Variants in SGCD observed in about 807,000 individuals in gnomAD.
SGCD encodes sarcoglycan delta, also known as delta-sarcoglycan.
A neutral mutation model predicts 36.6 loss-of-function variants in SGCD; 18 were observed. The observed-to-expected ratio is 0.49, with a 90% CI of 0.34 to 0.73. SGCD has a LOEUF of 0.73. Among genes scored for constraint, SGCD ranks in the 30% least tolerant of loss-of-function variants. The pLI is 0.01. For missense variants in SGCD, 387 were observed against 346.7 expected (o/e 1.12, Z -0.92); for synonymous variants, 133 against 130.6 (o/e 1.02, Z -0.12).
At chr5:155,735,496 G>A in the SGCD span, among the ~76,000 whole-genome samples, 37 of 152,304 alleles carry the variant, frequency 2.4e-4, no homozygotes, top group East Asian at 6.2e-3. Context: ...AGGCTCAGAG[G>A]GGGAAAGGGA....
the SGCD span, among the ~76,000 whole-genome samples, chr5:155,784,628 A>T: frequency 3.0e-5 from 4 of 132,190 alleles, no homozygotes; most frequent in African/African-American, 8.4e-5. Context: ...GTACAATTGG[A>T]TGTAAGAGCT....
chr5:156,519,081 T>A (rs1303174908), intron 4 of SGCD, among the ~76,000 whole-genome samples: 2 of 148,940 alleles, frequency 1.3e-5, no homozygotes, highest in South Asian at 2.1e-4. Flanking sequence ...GAAAAAAAAA[T>A]TAATAAAATA....
At chr5:155,767,494 G>A in the SGCD span, among the ~76,000 whole-genome samples, 7 of 152,178 alleles carry the variant, frequency 4.6e-5, no homozygotes, top group Non-Finnish European at 7.4e-5. Flanking sequence ...TAAGGTCCAG[G>A]GAGAGTTCTT....
At chr5:156,461,341 C>A (rs1331550983) in intron 3 of SGCD, among the ~76,000 whole-genome samples, 2 of 151,984 alleles carry the variant, frequency 1.3e-5, no homozygotes, top group Non-Finnish European at 2.9e-5. Flanking sequence ...TGTCAAAAAA[C>A]CCATCATATA....
intron 3 of SGCD, among the ~76,000 whole-genome samples, chr5:156,399,898 A>G (rs966533101): frequency 6.6e-6 from 1 of 152,154 alleles, no homozygotes; most frequent in African/African-American, 2.4e-5. Context: ...GTCACTATAT[A>G]TTGACAATCA....
chr5:156,442,628 G>C (rs758037343), intron 3 of SGCD, among the ~76,000 whole-genome samples: 4 of 152,208 alleles, frequency 2.6e-5, no homozygotes, highest in Admixed American at 2.0e-4. Flanking sequence ...AGTCATTTTT[G>C]TAACTATCAT....
At chr5:156,229,301 A>ATATATATATATATATATATATAT (rs1764953527) in intron 3 of SGCD, among the ~76,000 whole-genome samples, 1 of 5,124 alleles carries the variant, frequency 2.0e-4, no homozygotes, top group African/African-American at 4.2e-4. Flanking sequence ...TATATATATA[A>ATATATATATATATATATATATAT]AATTAGTTCT....
At chr5:155,823,108 A>ATCTG in the SGCD span, among the ~76,000 whole-genome samples, 4 of 145,334 alleles carry the variant, frequency 2.8e-5, no homozygotes, top group Non-Finnish European at 6.2e-5. Flanking sequence ...CTATCTATCT[A>ATCTG]TCTATCTGGC....
At chr5:155,840,988 G>A in the SGCD span, among the ~76,000 whole-genome samples, 23 of 124,306 alleles carry the variant, frequency 1.9e-4, no homozygotes, top group Admixed American at 4.3e-4. Flanking sequence ...TCCAGTCTGC[G>A]TGACAGAGCG....
At chr5:156,211,914 CAAAGTT>C (rs1764452214) in intron 3 of SGCD, among the ~76,000 whole-genome samples, 1 of 151,056 alleles carries the variant, frequency 6.6e-6, no homozygotes, top group Admixed American at 6.6e-5. Flanking sequence ...GGTATGTGGT[CAAAGTT>C]AATTTGTTAT....
chr5:156,406,388 A>T (rs923853311), intron 3 of SGCD, among the ~76,000 whole-genome samples: 1 of 151,954 alleles, frequency 6.6e-6, no homozygotes, highest in East Asian at 1.9e-4. Flanking sequence ...GCACTCTGTG[A>T]TAAGTTTTAC....
chr5:156,159,725 A>G (rs979356433), intron 3 of SGCD, among the ~76,000 whole-genome samples: 3 of 151,698 alleles, frequency 2.0e-5, no homozygotes, highest in Non-Finnish European at 2.9e-5. Context: ...AGAGGTGATC[A>G]CTGTGCATTT....
chr5:156,309,183 A>T (rs1433990864), intron 3 of SGCD, among the ~76,000 whole-genome samples: 1 of 151,976 alleles, frequency 6.6e-6, no homozygotes, highest in African/African-American at 2.4e-5. Flanking sequence ...AATGTTTTTC[A>T]TCAAATTTGG....
intron 1 of SGCD, among the ~76,000 whole-genome samples, chr5:155,939,496 T>C (rs1176649962): frequency 6.6e-6 from 1 of 151,316 alleles, no homozygotes; most frequent in Non-Finnish European, 1.5e-5. Flanking sequence ...ATACAAAAAT[T>C]AGCCAGGTGT....
intron 5 of SGCD, among the ~76,000 whole-genome samples, chr5:156,592,228 T>C (rs1460713160): frequency 1.3e-5 from 2 of 152,074 alleles, no homozygotes; most frequent in Non-Finnish European, 2.9e-5. Context: ...ATACAACTGC[T>C]TTTTTATATG....
intron 3 of SGCD, chr5:156,393,620 G>A (rs1011674270): frequency 1.4e-5 from 6 of 415,672 alleles, no homozygotes; most frequent in African/African-American, 1.2e-4. Context: ...TTAATAGGTT[G>A]AAATTGGCCA....
chr5:156,073,950 A>G (rs1760681193), intron 1 of SGCD, among the ~76,000 whole-genome samples: 1 of 152,216 alleles, frequency 6.6e-6, no homozygotes, highest in African/African-American at 2.4e-5. Flanking sequence ...GAGCCATTTC[A>G]TGGAAGAAGG....
chr5:155,962,547 G>A (rs1023193848), intron 1 of SGCD, among the ~76,000 whole-genome samples: 1 of 152,056 alleles, frequency 6.6e-6, no homozygotes, highest in South Asian at 2.1e-4. Flanking sequence ...AGGTAGTAGC[G>A]GGAATAGCAG....
At chr5:156,439,492 G>A (rs1753391693) in intron 3 of SGCD, among the ~76,000 whole-genome samples, 1 of 152,050 alleles carries the variant, frequency 6.6e-6, no homozygotes. Context: ...GCCCCCCTCA[G>A]GAGCCTGTTT....
Sources: gnomAD v4.1 joint callset for allele counts (sites outside exome capture counted in the v4.1 genomes callset) on GRCh38, gnomAD v4.1.1 for gene constraint, MANE v1.5 for transcripts, NCBI Gene and HGNC (gene_info 2026-07-23, HGNC 2026-07-21) for gene names.